TGM6: variants seen among roughly 807,000 people sequenced by gnomAD.
The protein encoded by TGM6 is protein-glutamine gamma-glutamyltransferase 6.
A neutral mutation model predicts 77.5 loss-of-function variants in TGM6; 74 were observed. That is an observed-to-expected ratio of 0.96 (90% CI 0.79 to 1.16). The LOEUF (loss-of-function observed/expected upper bound fraction) is 1.16. Among genes scored for constraint, TGM6 ranks in the 50% most tolerant of loss-of-function variants. The pLI, the probability that TGM6 is intolerant of heterozygous loss-of-function variation, is 0.00. For synonymous variants in TGM6, 383 were observed against 378.9 expected (o/e 1.01, Z -0.12); for missense variants, 968 against 940.2 (o/e 1.03, Z -0.39).
At chr20:2,398,823 G>C (rs1252503235) in intron 5 of TGM6, among the ~76,000 whole-genome samples, 1 of 151,998 alleles carries the variant, frequency 6.6e-6, no homozygotes, top group African/African-American at 2.4e-5. Flanking sequence ...GGTGTCTGCA[G>C]GGCCCACCAC....
chr20:2,386,257 G>T (rs2084595232), intron 1 of TGM6, among the ~76,000 whole-genome samples: 1 of 152,094 alleles, frequency 6.6e-6, no homozygotes, highest in Non-Finnish European at 1.5e-5. Flanking sequence ...CACCACATAT[G>T]GCAGGTCATG....
intron 10 of TGM6, among the ~76,000 whole-genome samples, chr20:2,418,803 G>T (rs895202823): frequency 6.6e-6 from 1 of 151,948 alleles, no homozygotes; most frequent in Non-Finnish European, 1.5e-5. Flanking sequence ...GAGGCCGGGC[G>T]CGGTGGCTCA....
chr20:2,388,164 G>A (rs1312560846), intron 1 of TGM6, among the ~76,000 whole-genome samples: 1 of 152,194 alleles, frequency 6.6e-6, no homozygotes, highest in Non-Finnish European at 1.5e-5. Context: ...ACATCATATT[G>A]AAAGAAGAGT....
chr20:2,384,328 G>A (rs569272533), intron 1 of TGM6, among the ~76,000 whole-genome samples: 4 of 151,900 alleles, frequency 2.6e-5, no homozygotes, highest in Non-Finnish European at 5.9e-5. Context: ...AATCCTCCTC[G>A]AAACCCTAGA....
intron 10 of TGM6, among the ~76,000 whole-genome samples, chr20:2,421,731 C>T (rs1394307007): frequency 6.6e-6 from 1 of 152,212 alleles, no homozygotes; most frequent in Non-Finnish European, 1.5e-5. Flanking sequence ...TGTGTCCTCT[C>T]TTCCCAGTCT....
intron 9 of TGM6, among the ~76,000 whole-genome samples, chr20:2,405,908 G>A (rs1225659879): frequency 6.6e-6 from 1 of 152,132 alleles, no homozygotes; most frequent in Non-Finnish European, 1.5e-5. Flanking sequence ...CCCTGCTCAG[G>A]TAGTACATGG....
chr20:2,432,335 A>G (rs967942271), intron 12 of TGM6, among the ~76,000 whole-genome samples, 155 bp from the exon 13 acceptor site: 2 of 152,104 alleles, frequency 1.3e-5, no homozygotes, highest in African/African-American at 4.8e-5. Context: ...GGAGTGAGCC[A>G]CCGCACCTGG....
chr20:2,392,025 A>G (rs1191280116), intron 1 of TGM6, among the ~76,000 whole-genome samples: 1 of 152,172 alleles, frequency 6.6e-6, no homozygotes, highest in Non-Finnish European at 1.5e-5. Flanking sequence ...TAGTTTTGCT[A>G]ATCTAACTAC....
chr20:2,430,222 C>T (rs1468981808), intron 10 of TGM6, among the ~76,000 whole-genome samples: 1 of 152,132 alleles, frequency 6.6e-6, no homozygotes, highest in Non-Finnish European at 1.5e-5. Context: ...ACTCCCACCT[C>T]ATCTTAATTT....
intron 1 of TGM6, among the ~76,000 whole-genome samples, chr20:2,389,978 T>C (rs1008053198): frequency 3.9e-5 from 6 of 152,204 alleles, no homozygotes; most frequent in Non-Finnish European, 8.8e-5. Flanking sequence ...TAAGGACTAT[T>C]AAGATACTCA....
At chr20:2,399,990 T>C (rs781701923) in intron 6 of TGM6, among the ~76,000 whole-genome samples, 79 of 152,254 alleles carry the variant, frequency 5.2e-4, no homozygotes, top group Non-Finnish European at 2.1e-4. Flanking sequence ...TGCGGCTCCC[T>C]TGGCCTCCAG....
intron 10 of TGM6, among the ~76,000 whole-genome samples, chr20:2,419,978 C>T (rs2084844742): frequency 6.6e-6 from 1 of 152,206 alleles, no homozygotes; most frequent in Non-Finnish European, 1.5e-5. Flanking sequence ...GGCGCAGTGG[C>T]TCACGCCTGT....
chr20:2,392,827 TG>T (rs1164848819), intron 1 of TGM6, among the ~76,000 whole-genome samples: 4 of 152,192 alleles, frequency 2.6e-5, no homozygotes, highest in African/African-American at 9.7e-5. Flanking sequence ...CACTTGAGCC[TG>T]GGAGGCAGAG....
intron 1 of TGM6, among the ~76,000 whole-genome samples, chr20:2,390,622 T>C (rs1337682016): frequency 6.6e-6 from 1 of 152,226 alleles, no homozygotes; most frequent in Admixed American, 6.5e-5. Context: ...ATGCAGTTGA[T>C]ATTCTTGAAA....
intron 6 of TGM6, 133 bp from the exon 7 acceptor site, chr20:2,400,173 G>T (rs1047915693): frequency 6.8e-5 from 88 of 1,299,050 alleles, no homozygotes; most frequent in Non-Finnish European, 1.3e-5. Flanking sequence ...ACAACCTGAT[G>T]AACTAGACAC....
intron 10 of TGM6, among the ~76,000 whole-genome samples, chr20:2,422,090 C>T (rs1393552038): frequency 6.6e-6 from 1 of 152,120 alleles, no homozygotes; most frequent in African/African-American, 2.4e-5. Context: ...CAAAATCACA[C>T]CAGTGCACTC....
chr20:2,431,563 G>A (rs948015542), intron 12 of TGM6, among the ~76,000 whole-genome samples: 3 of 152,190 alleles, frequency 2.0e-5, no homozygotes, highest in Admixed American at 2.0e-4. Context: ...ATGTGTAATT[G>A]TTAGGAACAC....
At chr20:2,401,733 T>C (rs962339586) in intron 7 of TGM6, among the ~76,000 whole-genome samples, 2 of 152,164 alleles carry the variant, frequency 1.3e-5, no homozygotes, top group Non-Finnish European at 2.9e-5. Context: ...GCCACACAGC[T>C]AGTGAGTGGA....
At chr20:2,382,530 G>C (rs890380581) in intron 1 of TGM6, among the ~76,000 whole-genome samples, 2 of 152,200 alleles carry the variant, frequency 1.3e-5, no homozygotes, top group Non-Finnish European at 2.9e-5. Flanking sequence ...TAACTTGCTG[G>C]GTTCCTCTCT....
Sources: allele counts gnomAD v4.1 joint callset (sites outside exome capture counted in the v4.1 genomes callset), GRCh38; gene constraint gnomAD v4.1.1; transcripts MANE v1.5; gene names NCBI Gene and HGNC (gene_info 2026-07-23, HGNC 2026-07-21).